The following LTBP1 variants were observed in gnomAD, a reference collection of about 807,000 sequenced individuals.
LTBP1 encodes latent-transforming growth factor beta-binding protein 1.
In LTBP1, 129 loss-of-function variants were observed where a neutral mutation model predicts 207.6. That is an observed-to-expected ratio of 0.62 (90% confidence interval 0.54 to 0.72). The LOEUF (loss-of-function observed/expected upper bound fraction) is 0.72, where lower values mean the gene tolerates loss of function less well. Among genes scored for constraint, LTBP1 ranks in the 30% least tolerant of loss-of-function variants. The pLI is 0.00. For missense variants in LTBP1, 2,281 were observed against 2,217.2 expected, an observed-to-expected ratio of 1.03 and a Z score of -0.58; for synonymous variants, 963 against 833.7, an observed-to-expected ratio of 1.16 and a Z score of -2.67.
chr2:33,280,658 A>G (rs1490114702), intron 19 of LTBP1, among the ~76,000 whole-genome samples: 2 of 152,238 alleles, frequency 1.3e-5, no homozygotes, highest in African/African-American at 4.8e-5. Flanking sequence ...TGTGTCTACC[A>G]TGTAATCTTT....
At position 33,263,404 on chromosome 2, in the gene LTBP1, A is replaced by G. The variant is rs1181833922; in HGVS notation, c.2617+12A>G. 5 of 1,592,510 alleles carry G rather than the reference A, an allele frequency of 3.1e-6. No individual in the cohort carries two copies. The Admixed American group carries it at 5.0e-5, about 16-fold the overall frequency. On this transcript the variant is annotated intron_variant, in intron 15 of 33. Coordinates refer to ENST00000404816, the MANE Select transcript of LTBP1 (RefSeq NM_206943.4). ...TACTCAAGTGACAGGTTGGTGCAGT[A>G]TTTTTACATTATATATCACATGGAG...
Position 33,363,538 on chromosome 2 carries a change from A to C in LTBP1, c.4399+20A>C, listed in dbSNP as rs2094949928. On this transcript the variant is annotated intron_variant, in intron 29 of 33. Transcript: ENST00000404816. ...GCTTTGGTAAGCTTTAGGGGGATAT[A>C]GTATGGTGTACTGTGAAAATATACA... The C allele has an allele frequency of 6.2e-7, 1 of 1,611,348 alleles. No homozygotes were observed. Among genetic ancestry groups the C allele is most frequent in the Non-Finnish European group, 8.5e-7 (1 of 1,178,588 alleles).
chr2:33,140,618 G>A (rs562399448), intron 5 of LTBP1, among the ~76,000 whole-genome samples: 10 of 151,538 alleles, frequency 6.6e-5, no homozygotes, highest in African/African-American at 2.4e-4. Context: ...CTGAATAAAT[G>A]TCATAATGTA....
chr2:33,185,636 G>A (rs2087115767), intron 5 of LTBP1, among the ~76,000 whole-genome samples: 1 of 152,144 alleles, frequency 6.6e-6, no homozygotes, highest in African/African-American at 2.4e-5. Context: ...GCAGGAGGAA[G>A]GAGCAAAATA....
intron 31 of LTBP1, among the ~76,000 whole-genome samples, chr2:33,366,500 G>A (rs1341098738): frequency 2.6e-5 from 4 of 152,192 alleles, no homozygotes; most frequent in Non-Finnish European, 4.4e-5. Context: ...GGGAATTCCC[G>A]TAAGAAGAAA....
chr2:32,950,324 A>G (rs1437019404), intron 2 of LTBP1, among the ~76,000 whole-genome samples: 2 of 152,180 alleles, frequency 1.3e-5, no homozygotes, highest in African/African-American at 2.4e-5. Flanking sequence ...TGGGAGGCCA[A>G]GGTGGGTGGA....
In LTBP1 at chr2:33,295,232, T is replaced by C. The variant is rs1428402805; in HGVS notation, c.3235+1950T>C. On this transcript the variant is annotated intron_variant, in intron 20 of 33. Transcript: ENST00000404816. ...TTAATCAATGTATACGAACTCTTTA[T>C]ATATGTAATACATATATAAACGTAT... Among the ~76,000 whole-genome samples, 3 of 152,140 alleles carry C rather than the reference T, an allele frequency of 2.0e-5. No homozygotes were observed. The East Asian group carries it at 5.8e-4, about 29-fold the overall frequency.
intron 3 of LTBP1, among the ~76,000 whole-genome samples, chr2:33,050,535 A>G (rs2076682478): frequency 6.6e-6 from 1 of 152,154 alleles, no homozygotes; most frequent in African/African-American, 2.4e-5. Flanking sequence ...ATTTAAAAAC[A>G]TAGAGAACTC....
chr2:33,302,652 T>G (rs1234829156), intron 22 of LTBP1, among the ~76,000 whole-genome samples: 1 of 152,156 alleles, frequency 6.6e-6, no homozygotes, highest in Non-Finnish European at 1.5e-5. Flanking sequence ...TTGGCAGCGT[T>G]TTAAAGGCCT....
chr2:33,065,478 C>T (rs912775846), intron 3 of LTBP1, among the ~76,000 whole-genome samples: 2 of 152,018 alleles, frequency 1.3e-5, no homozygotes, highest in Admixed American at 6.5e-5. Context: ...TACTTGAGCT[C>T]AGGAGTTTGA....
chr2:33,117,536 A>G (rs116634281), intron 4 of LTBP1, among the ~76,000 whole-genome samples: 1,565 of 152,304 alleles, frequency 0.01, 17 homozygotes, highest in East Asian at 0.016. Context: ...GAGACTTACA[A>G]GAGACATTCA....
At chr2:33,255,956 G>A (rs10514773) in intron 11 of LTBP1, among the ~76,000 whole-genome samples, 10,718 of 152,154 alleles carry the variant, frequency 0.07, 406 homozygotes, top group Middle Eastern at 0.14. Context: ...AAAGGGATTA[G>A]GTGGATTTTT....
chr2:33,329,687 A>G (rs2094472250), intron 24 of LTBP1, among the ~76,000 whole-genome samples: 1 of 152,088 alleles, frequency 6.6e-6, no homozygotes, highest in Non-Finnish European at 1.5e-5. Context: ...TATTAACCAT[A>G]GAGTCAGATA....
At chr2:33,397,534 T>C (rs1000119953) in intron 33 of LTBP1, among the ~76,000 whole-genome samples, 1 of 99,884 alleles carries the variant, frequency 1.0e-5, no homozygotes, top group African/African-American at 4.1e-5. Flanking sequence ...TGAGATGGAG[T>C]TTTACTCTTG....
At chr2:33,208,954 G>A (rs1323861653) in intron 7 of LTBP1, among the ~76,000 whole-genome samples, 6 of 142,574 alleles carry the variant, frequency 4.2e-5, no homozygotes, top group Admixed American at 2.3e-4. Flanking sequence ...TGCAAGCTCC[G>A]CCTCCCAGGT....
At chr2:33,176,452 C>T (rs1414829790) in intron 5 of LTBP1, among the ~76,000 whole-genome samples, 5 of 152,176 alleles carry the variant, frequency 3.3e-5, no homozygotes, top group African/African-American at 1.2e-4. Context: ...GTCTCGATCT[C>T]CTGACTTCGT....
At chr2:33,209,116 G>C (rs561293619) in intron 7 of LTBP1, among the ~76,000 whole-genome samples, 2 of 151,978 alleles carry the variant, frequency 1.3e-5, no homozygotes, top group East Asian at 3.9e-4. Flanking sequence ...CAAGTGACCC[G>C]CCTGCCTTGG....
At chr2:33,344,936 C>T (rs989373638) in intron 25 of LTBP1, among the ~76,000 whole-genome samples, 4 of 152,194 alleles carry the variant, frequency 2.6e-5, no homozygotes, top group Admixed American at 2.0e-4. Flanking sequence ...TCTAACCAGC[C>T]AGATGAGCAC....
intron 5 of LTBP1, among the ~76,000 whole-genome samples, chr2:33,164,848 A>G (rs1276349477): frequency 6.6e-6 from 1 of 152,210 alleles, no homozygotes; most frequent in East Asian, 1.9e-4. Flanking sequence ...AAGTTTGTAT[A>G]CAGACAGTTT....
Sources: allele counts gnomAD v4.1 joint callset (sites outside exome capture counted in the v4.1 genomes callset), GRCh38; gene constraint gnomAD v4.1.1; transcripts MANE v1.5; gene names NCBI Gene and HGNC (gene_info 2026-07-23, HGNC 2026-07-21).